EML6: variants seen among roughly 807,000 people sequenced by gnomAD.
EML6 encodes echinoderm microtubule-associated protein-like 6.
EML6 carries 154 observed loss-of-function variants against 240.1 expected under a neutral mutation model. That is an observed-to-expected ratio of 0.64 (90% confidence interval 0.56 to 0.73). EML6 has a LOEUF of 0.73. Ranked by LOEUF, EML6 falls within the 30% of genes least tolerant of loss-of-function variation. The probability of loss-of-function intolerance (pLI) is 0.00; values close to 1 mark genes in which losing one functional copy is unlikely to be tolerated. For synonymous variants in EML6, 1,148 were observed against 899.0 expected (o/e 1.28, Z -4.95); for missense variants, 2,964 against 2,474.6 (o/e 1.20, Z -4.20).
chr2:54,885,269 AC>A (rs551553062), intron 17 of EML6, among the ~76,000 whole-genome samples: 2 of 152,048 alleles, frequency 1.3e-5, no homozygotes, highest in African/African-American at 4.8e-5. Context: ...ACATGGTAAA[AC>A]CACCATCTCT....
At chr2:54,865,998 T>A (rs987180902) in intron 13 of EML6, among the ~76,000 whole-genome samples, 24 of 152,328 alleles carry the variant, frequency 1.6e-4, no homozygotes, top group African/African-American at 5.8e-4. Flanking sequence ...ATCTTTAGAT[T>A]CTAGAAGCTT....
intron 7 of EML6, among the ~76,000 whole-genome samples, chr2:54,831,179 C>G (rs1668851476): frequency 6.6e-6 from 1 of 152,168 alleles, no homozygotes; most frequent in Non-Finnish European, 1.5e-5. Context: ...AGAGCAGAGT[C>G]AACTTGCCAG....
intron 16 of EML6, among the ~76,000 whole-genome samples, chr2:54,874,550 T>A (rs568408875): frequency 6.6e-6 from 1 of 152,352 alleles, no homozygotes; most frequent in South Asian, 2.1e-4. Context: ...TTCACCTTTT[T>A]GTCTTACAGG....
intron 2 of EML6, among the ~76,000 whole-genome samples, chr2:54,738,024 T>C (rs1185829330): frequency 6.6e-6 from 1 of 152,208 alleles, no homozygotes; most frequent in Non-Finnish European, 1.5e-5. Context: ...CTCACTTCCC[T>C]TAGGTGCCTG....
intron 8 of EML6, among the ~76,000 whole-genome samples, chr2:54,845,217 G>C (rs1669683873): frequency 6.6e-6 from 1 of 152,192 alleles, no homozygotes; most frequent in Non-Finnish European, 1.5e-5. Context: ...AAATCAGTGA[G>C]AAAAACTAAA....
At chr2:54,728,502 A>T (rs1349143283) in intron 2 of EML6, among the ~76,000 whole-genome samples, 1 of 152,164 alleles carries the variant, frequency 6.6e-6, no homozygotes, top group East Asian at 1.9e-4. Context: ...AAGGGCACTG[A>T]CTTCGTTATC....
chr2:54,831,516 C>T (rs185888906), intron 7 of EML6, among the ~76,000 whole-genome samples: 14 of 152,256 alleles, frequency 9.2e-5, no homozygotes, highest in Non-Finnish European at 2.1e-4. Context: ...CGACGCCCTC[C>T]GTTATACATC....
chr2:54,909,605 G>C (rs1673532095), intron 24 of EML6, among the ~76,000 whole-genome samples: 1 of 152,012 alleles, frequency 6.6e-6, no homozygotes, highest in African/African-American at 2.4e-5. Flanking sequence ...CAGCACTTTG[G>C]GAGGCCGAGG....
At chr2:54,794,355 T>G (rs1007623670) in intron 2 of EML6, among the ~76,000 whole-genome samples, 1 of 152,188 alleles carries the variant, frequency 6.6e-6, no homozygotes, top group African/African-American at 2.4e-5. Context: ...TTCTCTGTTC[T>G]TATTATTGAT....
chr2:54,900,884 C>A (rs1054002065), intron 22 of EML6, among the ~76,000 whole-genome samples: 21 of 152,134 alleles, frequency 1.4e-4, no homozygotes, highest in African/African-American at 5.1e-4. Flanking sequence ...CTTGGAAATG[C>A]TTCATCAGAG....
At position 54,735,040 on chromosome 2, in the gene EML6, T is replaced by G. The variant is rs369568906; in HGVS notation, c.197+9782T>G. Among the ~76,000 whole-genome samples, 73 of 152,294 alleles carry G rather than the reference T, an allele frequency of 4.8e-4. 1 individual carries two copies. The South Asian group carries it at 0.014, about 29-fold the overall frequency. On this transcript the variant is annotated intron_variant, in intron 2 of 41. Coordinates refer to ENST00000356458, the MANE Select transcript of EML6 (RefSeq NM_001039753.4). ...CTGAATCTGGCATCCTATTTTGTGT[T>G]TCCTCATCCCTGTGTGTATCATTTT...
At chr2:54,831,279 C>A (rs1668856512) in intron 7 of EML6, among the ~76,000 whole-genome samples, 1 of 152,114 alleles carries the variant, frequency 6.6e-6, no homozygotes, top group Non-Finnish European at 1.5e-5. Flanking sequence ...TTTAACTAAT[C>A]CAAAAATTGT....
At chr2:54,933,838 G>A (rs970257751) in intron 28 of EML6, among the ~76,000 whole-genome samples, 2 of 152,200 alleles carry the variant, frequency 1.3e-5, no homozygotes, top group Non-Finnish European at 2.9e-5. Context: ...GTCTCAGCCA[G>A]TTGCCACATC....
Position 54,903,149 on chromosome 2 carries a change from C to G in EML6, c.3230C>G (p.Ser1077Cys). ...GCTGACACTGTTGAAGACATGGTCT[C>G]TTTCCATCACAGAAAAGAAATGATC... The part of the protein sequence containing the change: ...VNADTVEDMV[S>C]FHHRKEMISD... The change falls in exon 23 of 42, where the codon TCT (serine) becomes TGT (cysteine). Residue 1077 changes from serine (S) to cysteine (C), a missense_variant. By Grantham distance (112) the Ser-to-Cys change is moderately radical. Transcript: ENST00000356458. The G allele has an allele frequency of 6.4e-7, 1 of 1,551,912 alleles. No homozygotes were observed. Among genetic ancestry groups the G allele is most frequent in the East Asian group, 2.4e-5 (1 of 40,926 alleles).
At chr2:54,880,754 G>C (rs1018673047) in intron 17 of EML6, 12 of 152,128 alleles carry the variant, frequency 7.9e-5, no homozygotes, top group African/African-American at 2.7e-4. Context: ...TCAGAACTCT[G>C]TTCCCCCCAG....
Position 54,891,073 on chromosome 2 carries a change from T to C in EML6, c.2458T>C (p.Phe820Leu), listed in dbSNP as rs754591997. The change falls in exon 18 of 42, where the codon TTT becomes CTT. Residue 820 changes from phenylalanine to leucine, a missense_variant. Transcript: ENST00000356458. Reference sequence around the variant, plus strand: ...TTACAGAGGACATAAAGATAAGATATTTGTGGTAAAGTGTAACCCACACCA... The same window carrying C: ...TTACAGAGGACATAAAGATAAGATACTTGTGGTAAAGTGTAACCCACACCA... Reference protein sequence around the residue: ...ATTRGHKDKIFVVKCNPHHVD... With the variant: ...ATTRGHKDKILVVKCNPHHVD... The C allele has an allele frequency of 1.0e-5, 15 of 1,485,304 alleles. No individual in the cohort carries two copies. In the South Asian group the frequency reaches 1.4e-4, roughly 14 times the overall value. 92.0% of individuals were successfully genotyped at this position (1,485,304 alleles called of 1,614,324 possible).
At chr2:54,806,508 G>T (rs184965257) in intron 2 of EML6, among the ~76,000 whole-genome samples, 17 of 150,424 alleles carry the variant, frequency 1.1e-4, no homozygotes, top group African/African-American at 4.2e-4. Context: ...AACTACTCGG[G>T]ATGCTGAGGC....
At chr2:54,764,051 C>T (rs1310847890) in intron 2 of EML6, among the ~76,000 whole-genome samples, 1 of 152,184 alleles carries the variant, frequency 6.6e-6, no homozygotes, top group African/African-American at 2.4e-5. Context: ...TAACTTCCTG[C>T]CCTCTAGTCA....
intron 2 of EML6, among the ~76,000 whole-genome samples, chr2:54,792,713 T>C (rs1034431809): frequency 6.6e-6 from 1 of 152,222 alleles, no homozygotes; most frequent in African/African-American, 2.4e-5. Flanking sequence ...CTAAAAAAGT[T>C]TATTTGAAGT....
Sources: gnomAD v4.1 joint callset for allele counts (sites outside exome capture counted in the v4.1 genomes callset) on GRCh38, gnomAD v4.1.1 for gene constraint, MANE v1.5 for transcripts, NCBI Gene and HGNC (gene_info 2026-07-23, HGNC 2026-07-21) for gene names.